ERC1: variants seen among roughly 807,000 people sequenced by gnomAD.
ERC1 encodes the protein RAB6 interacting protein 2.
In ERC1, 56 loss-of-function variants were observed where a neutral mutation model predicts 132.0. The ratio of observed to expected loss-of-function variants is 0.42; its 90% CI spans 0.34 to 0.53. The LOEUF (loss-of-function observed/expected upper bound fraction) is 0.53. Ranked by LOEUF, ERC1 falls within the 20% of genes least tolerant of loss-of-function variation. The pLI, the probability that ERC1 is intolerant of heterozygous loss-of-function variation, is 0.03. For synonymous variants in ERC1, 478 were observed against 476.1 expected (o/e 1.00, Z -0.05); for missense variants, 1,202 against 1,349.9 (o/e 0.89, Z 1.72).
intron 18 of ERC1, among the ~76,000 whole-genome samples, chr12:1,483,651 C>CTTCCAGCCA (rs1334145323): frequency 7.4e-6 from 1 of 135,984 alleles, no homozygotes; most frequent in Admixed American, 7.6e-5. Context: ...ATCAAAACTC[C>CTTCCAGCCA]TTCCAGCCAC....
intron 17 of ERC1, chr12:1,410,573 G>T: frequency 1.5e-5 from 4 of 275,364 alleles, no homozygotes; most frequent in African/African-American, 2.3e-5. Flanking sequence ...TGTGCTTTCT[G>T]TTTTTTTATT....
intron 18 of ERC1, among the ~76,000 whole-genome samples, chr12:1,450,556 C>T (rs555689314): frequency 4.6e-5 from 7 of 152,340 alleles, no homozygotes; most frequent in East Asian, 1.9e-4. Flanking sequence ...GATGAACACT[C>T]GGGTTGCTTC....
intron 14 of ERC1, among the ~76,000 whole-genome samples, chr12:1,282,162 T>A (rs547617028): frequency 1.5e-4 from 23 of 152,096 alleles, no homozygotes; most frequent in Non-Finnish European, 3.2e-4. Flanking sequence ...GAGATACCAT[T>A]GTGGGTGATT....
At chr12:1,132,346 A>G (rs146117397) in intron 7 of ERC1, among the ~76,000 whole-genome samples, 151 of 152,324 alleles carry the variant, frequency 9.9e-4, no homozygotes, top group African/African-American at 3.5e-3. Context: ...ATTATATGAA[A>G]TATTTTTTGT....
intron 2 of ERC1, among the ~76,000 whole-genome samples, chr12:1,035,336 A>G (rs76204217): frequency 0.014 from 2,133 of 152,308 alleles, 45 homozygotes; most frequent in African/African-American, 0.048. Context: ...ATCTTGTTCT[A>G]GGATCCTATT....
chr12:1,426,279 A>T (rs1356450500), intron 17 of ERC1, among the ~76,000 whole-genome samples: 2 of 151,956 alleles, frequency 1.3e-5, no homozygotes, highest in Admixed American at 6.6e-5. Flanking sequence ...CTAGTTTTGT[A>T]TTCTTAGTAG....
intron 1 of ERC1, among the ~76,000 whole-genome samples, chr12:1,025,793 A>ATTT (rs1491151521): frequency 7.1e-6 from 1 of 141,280 alleles, no homozygotes; most frequent in Non-Finnish European, 1.5e-5. Flanking sequence ...TAAAAAGGAA[A>ATTT]GTTTTTTTTT....
chr12:1,310,356 G>A (rs547684597), intron 15 of ERC1, among the ~76,000 whole-genome samples: 17 of 152,070 alleles, frequency 1.1e-4, no homozygotes, highest in Admixed American at 1.0e-3. Flanking sequence ...ACAGGTGCGC[G>A]CCAACAGGCC....
In ERC1 at chr12:1,094,906, G is replaced by T. The variant is rs555690476; in HGVS notation, c.1087-9844G>T. ...TCCCTTCTTTTTTATTTCTGTCTCC[G>T]CTGTGTTGTCAGTATGATAAATTCA... On this transcript the variant is annotated intron_variant, in intron 3 of 18. Transcript: ENST00000360905. 7.2e-5 allele frequency among the ~76,000 whole-genome samples: 11 copies of T among 152,070 alleles called. No individual in the cohort carries two copies. The South Asian group carries it at 2.3e-3, about 32-fold the overall frequency.
chr12:1,220,813 G>A (rs1958907766), intron 12 of ERC1, among the ~76,000 whole-genome samples: 1 of 152,212 alleles, frequency 6.6e-6, no homozygotes, highest in South Asian at 2.1e-4. Context: ...GCTGGAGGCG[G>A]TGGCCCTCAT....
intron 16 of ERC1, among the ~76,000 whole-genome samples, chr12:1,383,932 G>C (rs1168453698): frequency 6.6e-6 from 1 of 152,132 alleles, no homozygotes; most frequent in African/African-American, 2.4e-5. Flanking sequence ...TTTACAGAGA[G>C]GGAAAGAGGT....
At chr12:1,441,438 AAT>A (rs543332016) in intron 17 of ERC1, among the ~76,000 whole-genome samples, 2 of 152,212 alleles carry the variant, frequency 1.3e-5, no homozygotes, top group African/African-American at 2.4e-5. Context: ...GTGAGCTAAT[AAT>A]ATCTTTTTAA....
chr12:1,284,136 C>G (rs576145675), intron 14 of ERC1, among the ~76,000 whole-genome samples: 24 of 152,272 alleles, frequency 1.6e-4, no homozygotes, highest in African/African-American at 5.3e-4. Flanking sequence ...CTAGCTCCCA[C>G]GTGTGAGTGA....
At chr12:1,488,625 T>TCGGCAGAA (rs767001042) in intron 18 of ERC1, among the ~76,000 whole-genome samples, 8 of 152,180 alleles carry the variant, frequency 5.3e-5, no homozygotes, top group Admixed American at 2.6e-4. Context: ...GATGAACTGA[T>TCGGCAGAA]CGGCAGAACT....
chr12:1,397,327 T>C (rs1451387587), intron 16 of ERC1, among the ~76,000 whole-genome samples: 2 of 152,166 alleles, frequency 1.3e-5, no homozygotes, highest in Non-Finnish European at 2.9e-5. Context: ...CACAGACACA[T>C]CTTCAAAAAT....
At chr12:1,023,984 A>G (rs1966729985) in intron 1 of ERC1, among the ~76,000 whole-genome samples, 1 of 152,204 alleles carries the variant, frequency 6.6e-6, no homozygotes, top group African/African-American at 2.4e-5. Flanking sequence ...TGTTGCTGTC[A>G]ATGAACATGT....
At chr12:1,205,813 C>T (rs1257348533) in intron 12 of ERC1, among the ~76,000 whole-genome samples, 1 of 152,062 alleles carries the variant, frequency 6.6e-6, no homozygotes, top group Non-Finnish European at 1.5e-5. Flanking sequence ...ACTTTCATCT[C>T]TAACTTAAGC....
chr12:1,371,717 G>A, intron 15 of ERC1, 116 bp from the exon 16 acceptor site: 1 of 1,327,304 alleles, frequency 7.5e-7, no homozygotes, highest in Non-Finnish European at 1.0e-6. Context: ...GAATGGCGCT[G>A]TTGGCGTTTG....
intron 14 of ERC1, among the ~76,000 whole-genome samples, chr12:1,278,438 TG>T (rs2078432933): frequency 6.6e-6 from 1 of 152,128 alleles, no homozygotes; most frequent in African/African-American, 2.4e-5. Flanking sequence ...AGAGAATGAA[TG>T]TCCAAAAAAA....
Sources: allele counts gnomAD v4.1 joint callset (sites outside exome capture counted in the v4.1 genomes callset), GRCh38; gene constraint gnomAD v4.1.1; transcripts MANE v1.5; gene names NCBI Gene and HGNC (gene_info 2026-07-23, HGNC 2026-07-21).